The following PSD2 variants were observed in gnomAD, a reference collection of about 807,000 sequenced individuals.
The protein encoded by PSD2 is pleckstrin and Sec7 domain containing 2, also known as PH and SEC7 domain-containing protein 2.
Under a neutral mutation model 69.8 loss-of-function variants are expected in PSD2, and 38 were observed. The ratio of observed to expected loss-of-function variants is 0.54; its 90% CI spans 0.42 to 0.71. The LOEUF is 0.71. PSD2 is among the 30% of genes least tolerant of loss of function. The pLI, the probability that PSD2 is intolerant of heterozygous loss-of-function variation, is 0.00. For synonymous variants in PSD2, 412 were observed against 423.0 expected (o/e 0.97, Z 0.32); for missense variants, 943 against 1,014.5 (o/e 0.93, Z 0.96).
intron 4 of PSD2, among the ~76,000 whole-genome samples, chr5:139,815,093 T>C (rs116532747): frequency 0.016 from 2,456 of 152,204 alleles, 74 homozygotes; most frequent in African/African-American, 0.055. Flanking sequence ...TCCAGACCCT[T>C]GTCCATGAGT....
At chr5:139,831,655 T>C (rs1390837046) in intron 7 of PSD2, among the ~76,000 whole-genome samples, 1 of 152,216 alleles carries the variant, frequency 6.6e-6, no homozygotes, top group Non-Finnish European at 1.5e-5. Context: ...CATTTACTGC[T>C]CTCTTAACTT....
At chr5:139,753,780 G>C in the PSD2 span, among the ~76,000 whole-genome samples, 30 of 151,964 alleles carry the variant, frequency 2.0e-4, no homozygotes, top group Admixed American at 1.4e-3. Flanking sequence ...AGCAGGAAAG[G>C]CTCCTTGGAA....
At chr5:139,803,696 C>G (rs1324252192) in intron 1 of PSD2, among the ~76,000 whole-genome samples, 2 of 152,174 alleles carry the variant, frequency 1.3e-5, no homozygotes, top group Non-Finnish European at 2.9e-5. Context: ...GCGGTCCAAG[C>G]TGGGAAGACC....
chr5:139,816,468 AT>A (rs1467415883), intron 4 of PSD2, among the ~76,000 whole-genome samples: 1 of 152,152 alleles, frequency 6.6e-6, no homozygotes, highest in Non-Finnish European at 1.5e-5. Flanking sequence ...AGTGCCGTGT[AT>A]TTGTTGAAGA....
intron 1 of PSD2, among the ~76,000 whole-genome samples, chr5:139,807,092 T>G (rs994629191): frequency 4.6e-5 from 7 of 152,248 alleles, no homozygotes; most frequent in Admixed American, 3.3e-4. Context: ...TTGGTGCTGG[T>G]GTAGGCTGAG....
upstream of PSD2, among the ~76,000 whole-genome samples, chr5:139,792,644 G>C (rs1051566247): frequency 1.3e-5 from 2 of 152,162 alleles, no homozygotes; most frequent in Non-Finnish European, 2.9e-5. Flanking sequence ...CTTGAGGAAT[G>C]GGGGAAATAT....
the PSD2 span, chr5:139,772,574 C>T: frequency 1.3e-5 from 2 of 152,450 alleles, no homozygotes; most frequent in Non-Finnish European, 2.9e-5. Context: ...GTTCCTCTAG[C>T]ATGCCACACT....
rs562654316 is a variant in PSD2, at chr5:139,813,507, C to G, written c.570C>G (p.Asp190Glu). The G allele has an allele frequency of 6.2e-7, 1 of 1,612,262 alleles. No individual in the cohort carries two copies. The highest frequency in any genetic ancestry group is 1.1e-5 in the South Asian group (1 of 90,918). Reference sequence around the variant, plus strand: ...CCCTCATCCAGCAGCGGGCCCGTGACAGCCCTGAGCCAGGGGCTGGGTTGG... The same window carrying G: ...CCCTCATCCAGCAGCGGGCCCGTGAGAGCCCTGAGCCAGGGGCTGGGTTGG... Reference protein sequence around the residue: ...LTPLIQQRARDSPEPGAGLGI... With the variant: ...LTPLIQQRARESPEPGAGLGI... Residue 190 changes from aspartate (D) to glutamate (E), a missense_variant, in exon 3 of 15, where the codon GAC becomes GAG. By Grantham distance (45) the Asp-to-Glu change is conservative. Transcript: ENST00000274710.
Position 139,840,177 on chromosome 5 carries a change from C to CT in PSD2, c.2112+9dup. On this transcript the variant is annotated splice_region_variant and intron_variant, in intron 14 of 14. Coordinates refer to ENST00000274710, the MANE Select transcript of PSD2 (RefSeq NM_032289.4). ...GCACTATCTCACCTTCGAGGTGAGC[C>CT]TTGGGGGACTGGATTGCAAAGCCCA... 1 of 1,613,520 alleles carries CT rather than the reference C, an allele frequency of 6.2e-7. No individual in the cohort carries two copies. The highest frequency in any genetic ancestry group is 8.5e-7 in the Non-Finnish European group (1 of 1,179,816).
Position 139,833,801 on chromosome 5 carries a change from G to C in PSD2, c.1359+10G>C, listed in dbSNP as rs1250604428. 1 of 1,600,248 alleles carries C rather than the reference G, an allele frequency of 6.2e-7. No individual in the cohort carries two copies. The highest frequency in any genetic ancestry group is 8.6e-7 in the Non-Finnish European group (1 of 1,167,528). On this transcript the variant is annotated intron_variant, in intron 8 of 14. Coordinates refer to ENST00000274710, the MANE Select transcript of PSD2 (RefSeq NM_032289.4). ...CAAAGACCTGCTGAAGGTACTGTCT[G>C]CTGAGTGTCCCCATCCCACTAGCTG...
At chr5:139,841,685 T>C (rs1159707086) in intron 14 of PSD2, among the ~76,000 whole-genome samples, 1 of 152,254 alleles carries the variant, frequency 6.6e-6, no homozygotes, top group African/African-American at 2.4e-5. Flanking sequence ...TATTTTCTGC[T>C]CTTTCGATAG....
intron 7 of PSD2, among the ~76,000 whole-genome samples, chr5:139,830,520 T>TCC (rs1760547745): frequency 2.2e-5 from 3 of 134,234 alleles, no homozygotes; most frequent in African/African-American, 5.7e-5. Context: ...CCAGCTAATT[T>TCC]TCTTCCTTCC....
Position 139,809,486 on chromosome 5 carries a change from G to C in PSD2, c.46G>C (p.Ala16Pro), listed in dbSNP as rs2126934175. The C allele has an allele frequency of 6.2e-7, 1 of 1,612,808 alleles. No individual in the cohort carries two copies. The highest frequency in any genetic ancestry group is 8.5e-7 in the Non-Finnish European group (1 of 1,179,516). ...LLSAVPEEGD[A>P]TRDPGPEPEE... The stretch of plus-strand genomic sequence containing the variant: ...ATCTGCAGTGCCTGAGGAAGGCGAT[G>C]CCACCCGTGACCCCGGTCCAGAGCC... The change falls in exon 2 of 15, where the codon GCC becomes CCC. Residue 16 changes from alanine to proline, a missense_variant. Transcript: ENST00000274710.
chr5:139,800,207 G>A (rs1759638088), intron 1 of PSD2, among the ~76,000 whole-genome samples: 1 of 152,178 alleles, frequency 6.6e-6, no homozygotes, highest in Non-Finnish European at 1.5e-5. Context: ...CACTTTCTTG[G>A]CAAAACCCCA....
chr5:139,837,562 A>T lies in PSD2; in HGVS notation c.1666-63A>T. ...CCGTAGGGTTAGACAGAGAGCAGTGAGGGGAGGGGAGAGTGGAAGGTGTGG... is the reference window on the plus strand; with the variant it reads ...CCGTAGGGTTAGACAGAGAGCAGTGTGGGGAGGGGAGAGTGGAAGGTGTGG... On this transcript the variant is annotated intron_variant, in intron 11 of 14. Coordinates refer to ENST00000274710, the MANE Select transcript of PSD2 (RefSeq NM_032289.4). The surrounding 1 kb of genome is among the most constrained non-coding windows in gnomAD (Gnocchi z 5.0). 6.7e-7 allele frequency: 1 copy of T among 1,490,038 alleles called. No homozygotes were observed. The highest frequency in any genetic ancestry group is 9.1e-7 in the Non-Finnish European group (1 of 1,096,026). 92.3% of individuals were successfully genotyped at this position (1,490,038 alleles called of 1,614,324 possible).
In PSD2 at chr5:139,842,675, A is replaced by G. The variant is rs773531828; in HGVS notation, c.*201A>G. The stretch of plus-strand genomic sequence containing the variant: ...GCGTCCTTGGGCATCTCCGGGCATC[A>G]GACCCTCTCCCTGGCCCTTGTTTTC... On this transcript the variant is annotated 3_prime_UTR_variant, in exon 15 of 15. Coordinates refer to ENST00000274710, the MANE Select transcript of PSD2 (RefSeq NM_032289.4). The G allele has an allele frequency of 5.5e-4, 318 of 582,428 alleles. No homozygotes were observed. The highest frequency in any genetic ancestry group is 9.0e-4 in the Non-Finnish European group (295 of 327,308). 36.1% of individuals were successfully genotyped at this position (582,428 alleles called of 1,614,324 possible). A position where few individuals can be genotyped will look rare whatever the true frequency, so the allele number is the denominator to read the frequency against.
Position 139,832,158 on chromosome 5 carries a change from C to T in PSD2, c.1270-1544C>T, listed in dbSNP as rs561146817. Among the ~76,000 whole-genome samples the T allele has an allele frequency of 4.3e-4, 66 of 152,232 alleles. No individual in the cohort carries two copies. In the South Asian group the frequency reaches 0.013, roughly 31 times the overall value. ...ATATTGCTCAGATTAGAAATCTTGCCGTGTTATTTTTTGATTTTGTGCTCC... is the reference window on the plus strand; with the variant it reads ...ATATTGCTCAGATTAGAAATCTTGCTGTGTTATTTTTTGATTTTGTGCTCC... On this transcript the variant is annotated intron_variant, in intron 7 of 14. Coordinates refer to ENST00000274710, the MANE Select transcript of PSD2 (RefSeq NM_032289.4).
the PSD2 span, among the ~76,000 whole-genome samples, chr5:139,760,605 T>C: frequency 6.6e-6 from 1 of 152,362 alleles, no homozygotes; most frequent in Non-Finnish European, 1.5e-5. Flanking sequence ...CTGGCTCTGC[T>C]GCTGATTCTG....
chr5:139,780,878 G>C, the PSD2 span, among the ~76,000 whole-genome samples: 1 of 152,208 alleles, frequency 6.6e-6, no homozygotes, highest in Non-Finnish European at 1.5e-5. Flanking sequence ...GGAGAATCCT[G>C]TGAGGGAGCT....
Sources: gnomAD v4.1 joint callset for allele counts (sites outside exome capture counted in the v4.1 genomes callset) on GRCh38, gnomAD v4.1.1 for gene constraint, Gnocchi (gnomAD v3.1) non-coding constraint, MANE v1.5 for transcripts, NCBI Gene and HGNC (gene_info 2026-07-23, HGNC 2026-07-21) for gene names.